SPOCK1: variants seen among roughly 807,000 people sequenced by gnomAD.
SPOCK1 encodes the protein testican-1.
Under a neutral mutation model 55.3 loss-of-function variants are expected in SPOCK1, and 23 were observed. The observed-to-expected ratio is 0.42, with a 90% CI of 0.30 to 0.59. The LOEUF (loss-of-function observed/expected upper bound fraction) is 0.59. Among genes scored for constraint, SPOCK1 ranks in the 20% least tolerant of loss-of-function variants. SPOCK1 has a pLI of 0.22. For synonymous variants in SPOCK1, 226 were observed against 221.0 expected, an observed-to-expected ratio of 1.02 and a Z score of -0.20; for missense variants, 499 against 552.5, an observed-to-expected ratio of 0.90 and a Z score of 0.97.
chr5:137,291,809 C>G (rs918628238), intron 2 of SPOCK1, among the ~76,000 whole-genome samples: 1 of 152,198 alleles, frequency 6.6e-6, no homozygotes, highest in African/African-American at 2.4e-5. Context: ...TGACCACACC[C>G]CCAGCCAGGC....
At chr5:137,035,809 T>C (rs1751874885) in intron 6 of SPOCK1, among the ~76,000 whole-genome samples, 1 of 152,186 alleles carries the variant, frequency 6.6e-6, no homozygotes. Context: ...CCTTCTCTCT[T>C]AGCTAAGCTG....
intron 3 of SPOCK1, among the ~76,000 whole-genome samples, chr5:137,237,563 C>A (rs1756203548): frequency 6.6e-6 from 1 of 152,192 alleles, no homozygotes; most frequent in Admixed American, 6.5e-5. Context: ...CTAAGCTGAG[C>A]AAATACTCCA....
intron 2 of SPOCK1, among the ~76,000 whole-genome samples, chr5:137,438,188 G>A (rs1485262087): frequency 6.6e-6 from 1 of 152,048 alleles, no homozygotes; most frequent in Non-Finnish European, 1.5e-5. Flanking sequence ...GTAGGGAGCA[G>A]GGAGGGAGAC....
chr5:137,309,146 T>C (rs959200268), intron 2 of SPOCK1, among the ~76,000 whole-genome samples: 1 of 152,192 alleles, frequency 6.6e-6, no homozygotes. Context: ...TAAAAGTAGA[T>C]AGATCTTCAG....
chr5:137,227,911 C>G (rs1040107472), intron 3 of SPOCK1, among the ~76,000 whole-genome samples: 2 of 152,208 alleles, frequency 1.3e-5, no homozygotes, highest in African/African-American at 4.8e-5. Context: ...TGAAGAGGAA[C>G]CACAAAACTC....
At chr5:137,432,489 A>T (rs1339323827) in intron 2 of SPOCK1, among the ~76,000 whole-genome samples, 1 of 152,256 alleles carries the variant, frequency 6.6e-6, no homozygotes, top group African/African-American at 2.4e-5. Context: ...TGCTAAGTGA[A>T]ATAAGCCAGA....
rs185138694 is a variant in SPOCK1 at position 137,077,226 on chromosome 5, C to T, written c.475-9397G>A. On this transcript the variant is annotated intron_variant, in intron 5 of 10. Transcript: ENST00000394945. The stretch of plus-strand genomic sequence containing the variant: ...GGCGTGAGCCACCGCGCCCGGCCCC[C>T]GCAGATTTAATTTTTAATTCAACCC... Among the ~76,000 whole-genome samples, 52 of 152,310 alleles carry T rather than the reference C, an allele frequency of 3.4e-4. 1 individual carries two copies. The East Asian group carries it at 9.3e-3, about 27-fold the overall frequency.
At chr5:137,135,492 G>GA (rs1753965361) in intron 4 of SPOCK1, among the ~76,000 whole-genome samples, 1 of 152,334 alleles carries the variant, frequency 6.6e-6, no homozygotes. Context: ...AAGTCAGGAA[G>GA]AATAGCACAA....
intron 2 of SPOCK1, among the ~76,000 whole-genome samples, chr5:137,457,200 G>A (rs1753384548): frequency 6.6e-6 from 1 of 152,182 alleles, no homozygotes; most frequent in South Asian, 2.1e-4. Flanking sequence ...ACAGATACCT[G>A]CAGAGGTCCT....
chr5:136,988,665 T>G (rs1442331696), intron 7 of SPOCK1, 22 bp from the exon 8 acceptor site: 2 of 1,599,512 alleles, frequency 1.3e-6, no homozygotes, highest in East Asian at 2.2e-5. Flanking sequence ...AAGGCATATC[T>G]CAGCTGCCAC....
intron 2 of SPOCK1, among the ~76,000 whole-genome samples, chr5:137,425,651 C>G (rs1752591750): frequency 6.6e-6 from 1 of 152,194 alleles, no homozygotes; most frequent in South Asian, 2.1e-4. Context: ...CAAAGCTTCT[C>G]AAGCTGGGAC....
intron 6 of SPOCK1, among the ~76,000 whole-genome samples, chr5:137,021,059 G>A (rs1373764648): frequency 6.6e-6 from 1 of 152,048 alleles, no homozygotes; most frequent in African/African-American, 2.4e-5. Flanking sequence ...TATATGCCCT[G>A]CATAAAATCA....
At chr5:137,355,591 G>T (rs977366008) in intron 2 of SPOCK1, among the ~76,000 whole-genome samples, 1 of 152,174 alleles carries the variant, frequency 6.6e-6, no homozygotes, top group African/African-American at 2.4e-5. Context: ...TGAGGGCTTG[G>T]TATGGGGCTG....
intron 2 of SPOCK1, among the ~76,000 whole-genome samples, chr5:137,441,049 C>T (rs571672210): frequency 1.3e-5 from 2 of 152,320 alleles, no homozygotes; most frequent in East Asian, 3.9e-4. Flanking sequence ...TGCTCGTTCA[C>T]TTGTCTGCAG....
intron 6 of SPOCK1, among the ~76,000 whole-genome samples, chr5:137,006,970 G>A (rs1206682552): frequency 6.6e-6 from 1 of 152,132 alleles, no homozygotes; most frequent in Non-Finnish European, 1.5e-5. Flanking sequence ...TTTTGTCACT[G>A]GTTCTGTTTA....
chr5:137,286,002 C>G (rs982031374), intron 2 of SPOCK1, among the ~76,000 whole-genome samples: 1 of 152,188 alleles, frequency 6.6e-6, no homozygotes, highest in African/African-American at 2.4e-5. Flanking sequence ...AACTAGCTGG[C>G]CTCAGCTGGA....
chr5:137,021,523 T>C (rs969650200), intron 6 of SPOCK1, among the ~76,000 whole-genome samples: 4 of 152,200 alleles, frequency 2.6e-5, no homozygotes, highest in Admixed American at 6.5e-5. Flanking sequence ...GTTTATCCCT[T>C]ACACACATTT....
intron 2 of SPOCK1, among the ~76,000 whole-genome samples, chr5:137,378,573 C>T (rs1002302477): frequency 2.0e-5 from 3 of 152,210 alleles, no homozygotes; most frequent in African/African-American, 7.2e-5. Flanking sequence ...TTGGAAACCC[C>T]ACCTGAGCCA....
intron 5 of SPOCK1, among the ~76,000 whole-genome samples, chr5:137,110,032 A>G (rs1753438673): frequency 6.6e-6 from 1 of 152,186 alleles, no homozygotes; most frequent in Admixed American, 6.5e-5. Context: ...CAACAACTGC[A>G]AGTGTTCAAT....
Sources: allele counts gnomAD v4.1 joint callset (sites outside exome capture counted in the v4.1 genomes callset), GRCh38; gene constraint gnomAD v4.1.1; transcripts MANE v1.5; gene names NCBI Gene and HGNC (gene_info 2026-07-23, HGNC 2026-07-21).